Variants in SDHAF3 observed in about 807,000 individuals in gnomAD.
SDHAF3 encodes succinate dehydrogenase assembly factor 3, mitochondrial.
SDHAF3 carries 18 observed loss-of-function variants against 11.5 expected under a neutral mutation model. That is an observed-to-expected ratio of 1.56 (90% CI 1.08 to 2.32). The LOEUF (loss-of-function observed/expected upper bound fraction) is 2.32, where lower values mean the gene tolerates loss of function less well. Ranked by LOEUF, SDHAF3 falls within the 30% of genes most tolerant of loss-of-function variation. The pLI is 0.00. For synonymous variants in SDHAF3, 72 were observed against 59.3 expected, an observed-to-expected ratio of 1.21 and a Z score of -0.99; for missense variants, 200 against 154.4, an observed-to-expected ratio of 1.30 and a Z score of -1.57.
intron 1 of SDHAF3, among the ~76,000 whole-genome samples, chr7:97,144,844 T>C (rs1789111790): frequency 6.6e-6 from 1 of 151,746 alleles, no homozygotes; most frequent in Non-Finnish European, 1.5e-5. Flanking sequence ...CTGTGAAGAA[T>C]GATGGTGATA....
rs965693485 is a variant in SDHAF3 at position 97,169,311 on chromosome 7, A to AG, written c.175-11701_175-11700insG. Among the ~76,000 whole-genome samples the AG allele has an allele frequency of 1.2e-3, 176 of 152,204 alleles. 2 individuals are homozygous for AG. The highest frequency in any genetic ancestry group is 5.4e-4 in the Non-Finnish European group (37 of 67,988). ...GGCAACAAGAGCGAAACTGTCTCAA[A>AG]AAAAAAGTATTAATATCATGATCGT... On this transcript the variant is annotated intron_variant, in intron 1 of 1. Coordinates refer to ENST00000432641, the MANE Select transcript of SDHAF3 (RefSeq NM_020186.3).
At chr7:97,171,075 T>C (rs895442209) in intron 1 of SDHAF3, among the ~76,000 whole-genome samples, 1 of 152,188 alleles carries the variant, frequency 6.6e-6, no homozygotes, top group African/African-American at 2.4e-5. Flanking sequence ...CAAAGTGTCT[T>C]TGAATTTAGT....
intron 1 of SDHAF3, among the ~76,000 whole-genome samples, chr7:97,157,371 G>T (rs1789319536): frequency 6.6e-6 from 1 of 152,094 alleles, no homozygotes; most frequent in Non-Finnish European, 1.5e-5. Flanking sequence ...TAGTTAGTTA[G>T]AACCCTGGGA....
intron 1 of SDHAF3, among the ~76,000 whole-genome samples, chr7:97,164,481 A>C (rs1032539570): frequency 1.3e-5 from 2 of 149,768 alleles, no homozygotes; most frequent in African/African-American, 4.9e-5. Flanking sequence ...GATTAAAGCG[A>C]TTCTCCTGCC....
In SDHAF3 at chr7:97,175,485, T is replaced by G. The variant is rs577482649; in HGVS notation, c.175-5527T>G. ...GAGTTCTCATCATTTAGCTCCCACT[T>G]ACAAGTGAGAATGTGTGATGTTTGG... On this transcript the variant is annotated intron_variant, in intron 1 of 1. Transcript: ENST00000432641. 2.0e-5 allele frequency among the ~76,000 whole-genome samples: 3 copies of G among 152,320 alleles called. No individual in the cohort carries two copies. In the East Asian group the frequency reaches 5.8e-4, roughly 29 times the overall value.
intron 1 of SDHAF3, among the ~76,000 whole-genome samples, chr7:97,147,872 T>C (rs950021788): frequency 2.6e-5 from 4 of 152,166 alleles, no homozygotes; most frequent in Admixed American, 1.3e-4. Flanking sequence ...CTGTAAAAAA[T>C]AATTTTATCT....
At chr7:97,118,339 A>C (rs560414960) in intron 1 of SDHAF3, among the ~76,000 whole-genome samples, 1 of 152,210 alleles carries the variant, frequency 6.6e-6, no homozygotes, top group Non-Finnish European at 1.5e-5. Context: ...GGTTGGGTTT[A>C]AATAATTTTC....
intron 1 of SDHAF3, among the ~76,000 whole-genome samples, chr7:97,126,404 AGTT>A (rs1487338975): frequency 6.6e-6 from 1 of 152,180 alleles, no homozygotes; most frequent in Non-Finnish European, 1.5e-5. Context: ...AGTCTGCTGA[AGTT>A]GTGCCCACAG....
At chr7:97,138,274 C>T (rs1341633522) in intron 1 of SDHAF3, among the ~76,000 whole-genome samples, 3 of 152,048 alleles carry the variant, frequency 2.0e-5, no homozygotes, top group Non-Finnish European at 4.4e-5. Context: ...ATTCTCTTGC[C>T]TCAGCCTCCT....
At position 97,161,341 on chromosome 7, in the gene SDHAF3, T is replaced by TA. The variant is rs558306219; in HGVS notation, c.175-19670dup. 4.9e-3 allele frequency among the ~76,000 whole-genome samples: 748 copies of TA among 152,348 alleles called. 1 individual carries two copies. The highest frequency in any genetic ancestry group is 8.1e-3 in the South Asian group (39 of 4,828). On this transcript the variant is annotated intron_variant, in intron 1 of 1. Coordinates refer to ENST00000432641, the MANE Select transcript of SDHAF3 (RefSeq NM_020186.3). Reference sequence around the variant, plus strand: ...CCCATCATAAGTCAGCAAGCATCTATATAGTCTATGGGACTCGACTTCACA... The same window carrying TA: ...CCCATCATAAGTCAGCAAGCATCTATAATAGTCTATGGGACTCGACTTCACA...
chr7:97,144,679 T>C (rs915752901), intron 1 of SDHAF3, among the ~76,000 whole-genome samples: 2 of 152,218 alleles, frequency 1.3e-5, no homozygotes, highest in Non-Finnish European at 2.9e-5. Context: ...TATGTGCCTG[T>C]TTTTATACCA....
chr7:97,179,421 ATC>A (rs1373375944), intron 1 of SDHAF3, among the ~76,000 whole-genome samples: 1 of 150,634 alleles, frequency 6.6e-6, no homozygotes, highest in East Asian at 1.9e-4. Flanking sequence ...CTTTATTATC[ATC>A]TGAGTAAATT....
intron 1 of SDHAF3, among the ~76,000 whole-genome samples, chr7:97,167,653 G>A (rs113826365): frequency 4.6e-5 from 7 of 152,268 alleles, no homozygotes; most frequent in African/African-American, 1.2e-4. Context: ...AGGAAAATTT[G>A]GTGGGTGGGG....
At chr7:97,139,366 C>T (rs989499553) in intron 1 of SDHAF3, among the ~76,000 whole-genome samples, 3 of 152,022 alleles carry the variant, frequency 2.0e-5, no homozygotes, top group African/African-American at 4.8e-5. Flanking sequence ...CTTTTATGGG[C>T]TCAGAATGGG....
At chr7:97,161,874 A>C (rs1197915602) in intron 1 of SDHAF3, among the ~76,000 whole-genome samples, 1 of 152,214 alleles carries the variant, frequency 6.6e-6, no homozygotes, top group Non-Finnish European at 1.5e-5. Context: ...TGCTATTGTG[A>C]ATAGTGATGC....
At chr7:97,141,762 G>A (rs1789047704) in intron 1 of SDHAF3, among the ~76,000 whole-genome samples, 2 of 151,806 alleles carry the variant, frequency 1.3e-5, no homozygotes, top group East Asian at 3.9e-4. Context: ...CCAAAGTGCT[G>A]GGATTACAGT....
chr7:97,166,746 C>CGGG (rs75706400), intron 1 of SDHAF3, among the ~76,000 whole-genome samples: 72 of 150,660 alleles, frequency 4.8e-4, no homozygotes, highest in African/African-American at 1.4e-3. Flanking sequence ...AGTTAGTTGG[C>CGGG]GGGGGGGGCT....
At chr7:97,155,186 G>A (rs1423112769) in intron 1 of SDHAF3, among the ~76,000 whole-genome samples, 2 of 152,154 alleles carry the variant, frequency 1.3e-5, no homozygotes, top group East Asian at 3.8e-4. Flanking sequence ...TGCATTAAAC[G>A]AGGTCAATTT....
At chr7:97,143,695 G>A (rs1348989737) in intron 1 of SDHAF3, among the ~76,000 whole-genome samples, 3 of 146,334 alleles carry the variant, frequency 2.1e-5, no homozygotes, top group Non-Finnish European at 3.1e-5. Flanking sequence ...GTGTGTGTGT[G>A]TGTGTATACC....
Sources: gnomAD v4.1 joint callset for allele counts (sites outside exome capture counted in the v4.1 genomes callset) on GRCh38, gnomAD v4.1.1 for gene constraint, MANE v1.5 for transcripts, NCBI Gene and HGNC (gene_info 2026-07-23, HGNC 2026-07-21) for gene names.